DDAH1: variants seen among roughly 807,000 people sequenced by gnomAD.
DDAH1 encodes N(G),N(G)-dimethylarginine dimethylaminohydrolase 1.
Under a neutral mutation model 28.8 loss-of-function variants are expected in DDAH1, and 19 were observed. The ratio of observed to expected loss-of-function variants is 0.66; its 90% CI spans 0.46 to 0.97. The LOEUF (loss-of-function observed/expected upper bound fraction) is 0.97, where lower values mean the gene tolerates loss of function less well. DDAH1 is among the 50% of genes least tolerant of loss of function. The probability of loss-of-function intolerance (pLI) is 0.00; values close to 1 mark genes in which losing one functional copy is unlikely to be tolerated. For synonymous variants in DDAH1, 153 were observed against 154.4 expected, an observed-to-expected ratio of 0.99 and a Z score of 0.07; for missense variants, 326 against 375.9, an observed-to-expected ratio of 0.87 and a Z score of 1.10.
At chr1:85,403,437 A>G (rs1271594648) in intron 1 of DDAH1, among the ~76,000 whole-genome samples, 2 of 152,184 alleles carry the variant, frequency 1.3e-5, no homozygotes, top group African/African-American at 2.4e-5. Context: ...AAACATCCCT[A>G]GGCTCTACTC....
At chr1:85,348,489 C>T (rs1423778958) in intron 4 of DDAH1, among the ~76,000 whole-genome samples, 12 of 152,164 alleles carry the variant, frequency 7.9e-5, no homozygotes, top group Non-Finnish European at 1.8e-4. Context: ...CCACCTGTAC[C>T]CCTGGAAACC....
At chr1:85,347,164 G>C (rs1457200385) in intron 4 of DDAH1, among the ~76,000 whole-genome samples, 1 of 152,200 alleles carries the variant, frequency 6.6e-6, no homozygotes, top group Admixed American at 6.5e-5. Context: ...TTACACTGTT[G>C]GTGGGACTGT....
At chr1:85,465,218 G>A, upstream of DDAH1, 1 of 1,118,094 alleles carries the variant, frequency 8.9e-7, no homozygotes, top group Non-Finnish European at 1.1e-6. Flanking sequence ...AGCATGCCCA[G>A]AGCTCCGGGC....
chr1:85,447,949 C>G (rs72724639), intron 1 of DDAH1: 2,361 of 152,234 alleles, frequency 0.016, 33 homozygotes, highest in Non-Finnish European at 0.023. Flanking sequence ...CCTTGGAGAC[C>G]CTATACAGTG....
intron 1 of DDAH1, among the ~76,000 whole-genome samples, chr1:85,381,683 T>A (rs969730358): frequency 6.6e-6 from 1 of 152,096 alleles, no homozygotes; most frequent in African/African-American, 2.4e-5. Flanking sequence ...ATACCTTGTT[T>A]TATTGCACTT....
chr1:85,479,527 A>G (rs925440396), intron 2 of DDAH1, among the ~76,000 whole-genome samples: 4 of 152,232 alleles, frequency 2.6e-5, no homozygotes, highest in African/African-American at 4.8e-5. Context: ...ATTAAATTAA[A>G]CAAATCAGGC....
chr1:85,415,116 G>T (rs972342334), intron 1 of DDAH1, among the ~76,000 whole-genome samples: 2 of 140,614 alleles, frequency 1.4e-5, no homozygotes, highest in Admixed American at 8.1e-5. Flanking sequence ...CCAAGTTCAC[G>T]TGATTCTCCT....
intron 2 of DDAH1, among the ~76,000 whole-genome samples, chr1:85,355,373 T>C (rs1037562065): frequency 6.6e-6 from 1 of 152,128 alleles, no homozygotes; most frequent in East Asian, 1.9e-4. Context: ...CTAATGTAAC[T>C]CTTTTATCAA....
chr1:85,325,580 C>T (rs1183041603), intron 4 of DDAH1, among the ~76,000 whole-genome samples: 2 of 150,658 alleles, frequency 1.3e-5, no homozygotes, highest in Non-Finnish European at 3.0e-5. Context: ...AATTTTGAGG[C>T]AGAGGTTCCC....
intron 1 of DDAH1, among the ~76,000 whole-genome samples, chr1:85,504,955 A>G (rs562655360): frequency 4.5e-5 from 6 of 132,010 alleles, no homozygotes; most frequent in East Asian, 4.7e-4. Flanking sequence ...ATGGCCCTCA[A>G]TGATTCTTTT....
chr1:85,578,009 C>T (rs1659659882), exon 1 of DDAH1: 24 of 985,496 alleles, frequency 2.4e-5, no homozygotes, highest in Non-Finnish European at 2.9e-5. Context: ...CATTTCGCCT[C>T]CTGTCCGTCA....
intron 1 of DDAH1, among the ~76,000 whole-genome samples, chr1:85,553,092 T>C (rs1374411305): frequency 2.0e-5 from 3 of 152,192 alleles, no homozygotes; most frequent in African/African-American, 7.2e-5. Flanking sequence ...CCACATTATG[T>C]ATTCCAATAG....
intron 1 of DDAH1, among the ~76,000 whole-genome samples, chr1:85,427,717 C>G (rs1240067927): frequency 6.6e-6 from 1 of 152,086 alleles, no homozygotes; most frequent in African/African-American, 2.4e-5. Flanking sequence ...AAGGATGTAA[C>G]AAAGAAAGAG....
At chr1:85,476,127 G>T (rs1425466539) in intron 2 of DDAH1, among the ~76,000 whole-genome samples, 1 of 152,170 alleles carries the variant, frequency 6.6e-6, no homozygotes, top group Non-Finnish European at 1.5e-5. Flanking sequence ...CTCCCAAAGT[G>T]CTGGGATTAC....
At chr1:85,324,617 C>G in intron 5 of DDAH1, 123 bp downstream of exon 5, 1 of 1,124,010 alleles carries the variant, frequency 8.9e-7, no homozygotes, top group Non-Finnish European at 1.3e-6. Flanking sequence ...TTGTATTATC[C>G]TTTCTTTTCT....
At chr1:85,401,963 T>C (rs1652130957) in intron 1 of DDAH1, among the ~76,000 whole-genome samples, 1 of 152,188 alleles carries the variant, frequency 6.6e-6, no homozygotes, top group Non-Finnish European at 1.5e-5. Context: ...TAATGTGTTC[T>C]GAAGGCAATG....
At chr1:85,381,410 A>G (rs1166684607) in intron 1 of DDAH1, among the ~76,000 whole-genome samples, 6 of 150,370 alleles carry the variant, frequency 4.0e-5, no homozygotes. Context: ...TAAGTTCTTC[A>G]GTGGTTATTT....
At chr1:85,510,737 T>A (rs1657195687) in intron 1 of DDAH1, among the ~76,000 whole-genome samples, 1 of 151,848 alleles carries the variant, frequency 6.6e-6, no homozygotes, top group African/African-American at 2.4e-5. Flanking sequence ...CCAACAAAGA[T>A]CAAAAGAGAC....
intron 1 of DDAH1, among the ~76,000 whole-genome samples, chr1:85,448,836 A>G (rs575967654): frequency 3.3e-4 from 50 of 152,340 alleles, no homozygotes; most frequent in African/African-American, 1.2e-3. Context: ...TTCTGCCAGC[A>G]AAGAATTTTA....
Sources: allele counts gnomAD v4.1 joint callset (sites outside exome capture counted in the v4.1 genomes callset), GRCh38; gene constraint gnomAD v4.1.1; transcripts MANE v1.5; gene names NCBI Gene and HGNC (gene_info 2026-07-23, HGNC 2026-07-21).